WDR62: variants seen among roughly 807,000 people sequenced by gnomAD.
WDR62 encodes the protein WD repeat-containing protein 62.
WDR62 carries 112 observed loss-of-function variants against 160.6 expected under a neutral mutation model. The observed-to-expected ratio is 0.70, with a 90% confidence interval of 0.60 to 0.82. The LOEUF (loss-of-function observed/expected upper bound fraction) is 0.82, where lower values mean the gene tolerates loss of function less well. WDR62 is among the 40% of genes least tolerant of loss of function. The pLI is 0.00. For missense variants in WDR62, 1,819 were observed against 1,983.8 expected (o/e 0.92, Z 1.58); for synonymous variants, 792 against 815.1 (o/e 0.97, Z 0.48).
At chr19:36,107,541 C>T (rs557307120), downstream of WDR62, among the ~76,000 whole-genome samples, 1 of 152,098 alleles carries the variant, frequency 6.6e-6, no homozygotes, top group Non-Finnish European at 1.5e-5. Context: ...AGGCACAGAG[C>T]AGGGCACCCT....
intron 7 of WDR62, among the ~76,000 whole-genome samples, chr19:36,069,880 CGCAGGCACTCG>C (rs1485171795): frequency 1.3e-5 from 2 of 152,052 alleles, no homozygotes; most frequent in Non-Finnish European, 2.9e-5. Context: ...CGCCTGCAAT[CGCAGGCACTCG>C]GCAGGCTGAG....
chr19:36,091,340 T>TGCCCCC, intron 17 of WDR62, 29 bp downstream of exon 17: 26 of 1,578,906 alleles, frequency 1.6e-5, no homozygotes, highest in East Asian at 4.5e-5. Flanking sequence ...TTGGGATGCC[T>TGCCCCC]CCCCACCCGC....
chr19:36,105,691 GTATT>G (rs1297897750), downstream of WDR62, among the ~76,000 whole-genome samples: 3 of 151,952 alleles, frequency 2.0e-5, no homozygotes, highest in Non-Finnish European at 2.9e-5. Context: ...TTTATTTCAT[GTATT>G]TATTTATTTA....
rs745648808 is a variant in WDR62 at position 36,055,135 on chromosome 19, C to A, written c.164C>A (p.Thr55Lys). ...RTRLSTASEE[T>K]VQNRVSLEKV... ...CGACTCTCGACGGCCTCCGAGGAGA[C>A]GGTGCAGAACCGGGTGAGAAGCTGC... Residue 55 changes from threonine (T) to lysine (K), a missense_variant, in exon 1 of 32, where the codon ACG (threonine) becomes AAG (lysine). Physicochemically the swap from Thr to Lys is moderately conservative, Grantham distance 78 (BLOSUM62 -1). Around this residue, in one of 3 missense-constraint regions of WDR62, gnomAD observed 115 missense variants for 92.4 expected, o/e 1.24. Transcript: ENST00000401500. 6 of 1,608,350 alleles carry A rather than the reference C, an allele frequency of 3.7e-6. No individual in the cohort carries two copies. The highest frequency in any genetic ancestry group is 5.1e-6 in the Non-Finnish European group (6 of 1,178,326).
At chr19:36,067,688 T>G in intron 6 of WDR62, 140 bp from the exon 7 acceptor site, 2 of 1,076,384 alleles carry the variant, frequency 1.9e-6, no homozygotes, top group Non-Finnish European at 2.7e-6. Flanking sequence ...CTGTCCAGAG[T>G]GGCAGGGTTC....
At chr19:36,060,199 G>A (rs986046099) in intron 3 of WDR62, 169 bp downstream of exon 3, 1 of 708,024 alleles carries the variant, frequency 1.4e-6, no homozygotes. Flanking sequence ...TGGGGACACA[G>A]CAGTGACCAG....
At chr19:36,062,014 T>G (rs1473564502) in intron 3 of WDR62, 1 of 151,920 alleles carries the variant, frequency 6.6e-6, no homozygotes, top group Non-Finnish European at 1.5e-5. Context: ...TGGCACAGTC[T>G]CAGCTCACTG....
At chr19:36,073,237 C>A in intron 8 of WDR62, 105 bp from the exon 9 acceptor site, 1 of 1,067,992 alleles carries the variant, frequency 9.4e-7, no homozygotes, top group Non-Finnish European at 1.5e-6. Flanking sequence ...GCCACAAATA[C>A]CATGAGGGAT....
chr19:36,073,075 G>T (rs1411862642), intron 8 of WDR62, among the ~76,000 whole-genome samples: 1 of 152,130 alleles, frequency 6.6e-6, no homozygotes, highest in Non-Finnish European at 1.5e-5. Context: ...CTTGGGTTGG[G>T]TGAAATGATG....
chr19:36,087,905 G>A (rs1219975569), intron 13 of WDR62, among the ~76,000 whole-genome samples: 1 of 152,210 alleles, frequency 6.6e-6, no homozygotes, highest in Non-Finnish European at 1.5e-5. Context: ...GAACTAGGAC[G>A]TTGTTGATAG....
At position 36,103,336 on chromosome 19, in the gene WDR62, G is replaced by T; in HGVS notation, c.3515-7G>T. ...GGTGGAGTCAGTGCCATCTGCTTCC[G>T]TTACAGCTCCCTGCCTTACGAGCCT... On this transcript the variant is annotated splice_region_variant and splice_polypyrimidine_tract_variant and intron_variant, in intron 29 of 31. Coordinates refer to ENST00000401500, the MANE Select transcript of WDR62 (RefSeq NM_001083961.2). 1 of 1,613,706 alleles carries T rather than the reference G, an allele frequency of 6.2e-7. No individual in the cohort carries two copies. Among genetic ancestry groups the T allele is most frequent in the Non-Finnish European group, 8.5e-7 (1 of 1,180,026 alleles).
chr19:36,056,193 A>G (rs918341256), intron 1 of WDR62, among the ~76,000 whole-genome samples: 3 of 152,020 alleles, frequency 2.0e-5, no homozygotes, highest in Admixed American at 6.6e-5. Flanking sequence ...AAATTATACT[A>G]TTGCATTGGA....
In WDR62 at chr19:36,103,054, G is replaced by A. The variant is rs758973510; in HGVS notation, c.3442G>A (p.Ala1148Thr). The change falls in exon 28 of 32, where the codon GCC becomes ACC. Residue 1148 changes from alanine (A) to threonine (T), a missense_variant. Ala to Thr is a moderately conservative substitution (Grantham distance 58, BLOSUM62 0). This residue lies in a region of WDR62 where 770 missense variants were observed against 734.2 expected (regional missense o/e 1.05). Transcript: ENST00000401500. ...GSQPRAGTGY[A>T]SPDRTHVLAA... ...CCAGCCCAGAGCAGGTACTGGCTACGCCTCCCCAGACAGGACCCACGTGAG... is the reference window on the plus strand; with the variant it reads ...CCAGCCCAGAGCAGGTACTGGCTACACCTCCCCAGACAGGACCCACGTGAG... The A allele has an allele frequency of 1.2e-5, 20 of 1,613,992 alleles. No homozygotes were observed. The highest frequency in any genetic ancestry group is 6.6e-5 in the South Asian group (6 of 91,088).
At chr19:36,063,432 T>C (rs1274402046) in intron 3 of WDR62, among the ~76,000 whole-genome samples, 1 of 151,274 alleles carries the variant, frequency 6.6e-6, no homozygotes. Flanking sequence ...TATTTTTTTT[T>C]AGTAGAGACG....
intron 9 of WDR62, among the ~76,000 whole-genome samples, chr19:36,079,611 C>G (rs1971775188): frequency 6.6e-6 from 1 of 152,222 alleles, no homozygotes; most frequent in African/African-American, 2.4e-5. Flanking sequence ...TTGCACTCAA[C>G]TGCTGTTGGG....
In WDR62 at chr19:36,083,065, C is replaced by A. The variant is rs142150175; in HGVS notation, c.1374C>A (p.Thr458=). The change falls in exon 11 of 32, where the codon ACC becomes ACA. Residue 458 remains threonine (T), a splice_region_variant and synonymous_variant. Coordinates refer to ENST00000401500, the MANE Select transcript of WDR62 (RefSeq NM_001083961.2). Reference sequence around the variant, plus strand: ...CCTCAGCCCTGTCCTTCCTGCAGACCCTGCTGAAGGTCGTGTACGTGGAGA... The same window carrying A: ...CCTCAGCCCTGTCCTTCCTGCAGACACTGCTGAAGGTCGTGTACGTGGAGA... ...SHWQKNIFSN[T]LLKVVYVEND... The A allele has an allele frequency of 8.7e-6, 14 of 1,611,256 alleles. No homozygotes were observed. The highest frequency in any genetic ancestry group is 6.7e-5 in the Admixed American group (4 of 59,682).
chr19:36,104,005 A>G, intron 30 of WDR62, 24 bp downstream of exon 30: 1 of 1,596,890 alleles, frequency 6.3e-7, no homozygotes, highest in Non-Finnish European at 8.5e-7. Flanking sequence ...TGGAGCAAGG[A>G]CTGTCCCCTA....
intron 9 of WDR62, among the ~76,000 whole-genome samples, chr19:36,076,829 C>G (rs1413646435): frequency 2.0e-5 from 3 of 152,116 alleles, no homozygotes; most frequent in Non-Finnish European, 4.4e-5. Flanking sequence ...CATATGTTCT[C>G]TCTGTTCTCT....
chr19:36,079,110 G>C (rs935821421), intron 9 of WDR62, among the ~76,000 whole-genome samples: 7 of 152,002 alleles, frequency 4.6e-5, no homozygotes, highest in Admixed American at 4.6e-4. Context: ...TTGAAAAGGA[G>C]TCTCACTGTT....
Sources: allele counts gnomAD v4.1 joint callset (sites outside exome capture counted in the v4.1 genomes callset), GRCh38; gene constraint gnomAD v4.1.1; regional missense constraint gnomAD v4.1.1; transcripts MANE v1.5; gene names NCBI Gene and HGNC (gene_info 2026-07-23, HGNC 2026-07-21).